The following GNAI1 variants were observed in gnomAD, a reference collection of about 807,000 sequenced individuals.
GNAI1 encodes guanine nucleotide-binding protein G(i) subunit alpha-1.
A neutral mutation model predicts 38.9 loss-of-function variants in GNAI1; 11 were observed. The observed-to-expected ratio is 0.28, with a 90% CI of 0.18 to 0.47. The LOEUF (loss-of-function observed/expected upper bound fraction) is 0.47. GNAI1 is among the 20% of genes least tolerant of loss of function. The probability of loss-of-function intolerance (pLI) is 0.99; values close to 1 mark genes in which losing one functional copy is unlikely to be tolerated. For synonymous variants in GNAI1, 166 were observed against 145.1 expected (o/e 1.14, Z -1.04); for missense variants, 317 against 436.9 (o/e 0.73, Z 2.45).
At position 80,221,887 on chromosome 7, in the gene GNAI1, G is replaced by A. The variant is rs1044935163; in HGVS notation, c.*4394G>A. Among the ~76,000 whole-genome samples the A allele has an allele frequency of 2.0e-5, 3 of 152,054 alleles. No individual in the cohort carries two copies. The highest frequency in any genetic ancestry group is 1.9e-4 in the East Asian group (1 of 5,162). On this transcript the variant is annotated 3_prime_UTR_variant, in exon 8 of 8. Coordinates refer to ENST00000649796, the MANE Select transcript of GNAI1 (RefSeq NM_002069.6). Reference sequence around the variant, plus strand: ...GATCACCTGACCTTGTGATCTGACCGCCTCGGCCTCCCAAAGTGCTGGGAT... The same window carrying A: ...GATCACCTGACCTTGTGATCTGACCACCTCGGCCTCCCAAAGTGCTGGGAT...
chr7:80,153,045 TAGAA>T (rs1432055718), intron 1 of GNAI1, among the ~76,000 whole-genome samples: 1 of 152,228 alleles, frequency 6.6e-6, no homozygotes, highest in Non-Finnish European at 1.5e-5. Flanking sequence ...TTTTATATTT[TAGAA>T]AGATTTTTTT....
chr7:80,150,217 G>A (rs558853566), intron 1 of GNAI1, among the ~76,000 whole-genome samples: 8 of 152,078 alleles, frequency 5.3e-5, no homozygotes, highest in African/African-American at 1.9e-4. Context: ...CATGTACCAG[G>A]AAAAATATTT....
intron 1 of GNAI1, 48 bp downstream of exon 1, chr7:80,135,326 C>A: frequency 9.3e-7 from 1 of 1,079,142 alleles, no homozygotes; most frequent in Non-Finnish European, 1.2e-6. Flanking sequence ...GGACCGGGTG[C>A]GGCGCTGCGC....
intron 1 of GNAI1, among the ~76,000 whole-genome samples, chr7:80,137,636 T>C (rs1294773525): frequency 6.6e-6 from 1 of 152,216 alleles, no homozygotes; most frequent in Non-Finnish European, 1.5e-5. Context: ...CTTATTTCTC[T>C]AAACCAGTAC....
Position 80,221,693 on chromosome 7 carries a change from A to G in GNAI1, c.*4200A>G, listed in dbSNP as rs1032070018. On this transcript the variant is annotated 3_prime_UTR_variant, in exon 8 of 8. Transcript: ENST00000649796. The stretch of plus-strand genomic sequence containing the variant: ...GAGTCTTGCTCCTTCACCAGGCTGG[A>G]GTGCAGTCGTGCAATCTCCACTCTC... Among the ~76,000 whole-genome samples the G allele has an allele frequency of 4.2e-5, 5 of 118,620 alleles. No homozygotes were observed. Among genetic ancestry groups the G allele is most frequent in the Admixed American group, 1.2e-4 (1 of 8,470 alleles). The allele number at this position is 118,620 out of a possible 152,430, so 77.8% of individuals were successfully genotyped here.
intron 4 of GNAI1, among the ~76,000 whole-genome samples, chr7:80,199,745 T>C (rs1466351539): frequency 6.6e-6 from 1 of 152,164 alleles, no homozygotes; most frequent in Non-Finnish European, 1.5e-5. Context: ...TGTAACTGAT[T>C]TGAGTTCCTT....
chr7:80,173,920 TATC>T (rs1323749368), intron 1 of GNAI1, among the ~76,000 whole-genome samples: 2 of 152,140 alleles, frequency 1.3e-5, no homozygotes, highest in South Asian at 2.1e-4. Context: ...GATTGGGAAA[TATC>T]AACCCCAGAG....
At position 80,135,094 on chromosome 7, in the gene GNAI1, T is replaced by G. The variant is rs551739683; in HGVS notation, c.-67T>G. 77 of 1,081,922 alleles carry G rather than the reference T, an allele frequency of 7.1e-5. No homozygotes were observed. In the African/African-American group the frequency reaches 1.2e-3, roughly 16 times the overall value. 67.0% of individuals were successfully genotyped at this position (1,081,922 alleles called of 1,614,324 possible). A position where few individuals can be genotyped will look rare whatever the true frequency, so the allele number is the denominator to read the frequency against. ...AACGCCCGCTAGGAGAGAGAAAGGATTCCCCTGTGCTTGGAGCCCGCACTC... is the reference window on the plus strand; with the variant it reads ...AACGCCCGCTAGGAGAGAGAAAGGAGTCCCCTGTGCTTGGAGCCCGCACTC... On this transcript the variant is annotated 5_prime_UTR_variant, in exon 1 of 8. Transcript: ENST00000649796.
intron 1 of GNAI1, among the ~76,000 whole-genome samples, chr7:80,159,267 T>A (rs1787876568): frequency 1.3e-5 from 2 of 152,178 alleles, no homozygotes. Flanking sequence ...CAAGTCCAGA[T>A]GGGCTGGGCT....
At chr7:80,196,912 A>C (rs751255850) in intron 3 of GNAI1, among the ~76,000 whole-genome samples, 1 of 152,114 alleles carries the variant, frequency 6.6e-6, no homozygotes, top group Non-Finnish European at 1.5e-5. Context: ...TCACATAGTT[A>C]ATTTTTTTGA....
intron 1 of GNAI1, among the ~76,000 whole-genome samples, chr7:80,155,376 C>G (rs1787801117): frequency 6.6e-6 from 1 of 152,062 alleles, no homozygotes; most frequent in South Asian, 2.1e-4. Context: ...GTATTTCTAT[C>G]CAATAGTACA....
At chr7:80,196,009 C>G (rs986748782) in intron 3 of GNAI1, among the ~76,000 whole-genome samples, 1 of 151,960 alleles carries the variant, frequency 6.6e-6, no homozygotes, top group Non-Finnish European at 1.5e-5. Flanking sequence ...CCATCCTAGG[C>G]AGACTCTTCT....
At chr7:80,217,246 T>TATGGATGAAACTGAC in intron 7 of GNAI1, 57 bp from the exon 8 acceptor site, 1 of 1,152,028 alleles carries the variant, frequency 8.7e-7, no homozygotes, top group Non-Finnish European at 1.2e-6. Context: ...GAATTCAGTA[T>TATGGATGAAACTGAC]TTTAAGCAGT....
intron 5 of GNAI1, among the ~76,000 whole-genome samples, chr7:80,210,155 A>G (rs984161758): frequency 5.3e-5 from 8 of 152,322 alleles, no homozygotes; most frequent in Admixed American, 5.2e-4. Flanking sequence ...TCTAGGTTGC[A>G]TAATGTAGTC....
intron 1 of GNAI1, among the ~76,000 whole-genome samples, chr7:80,157,997 C>T (rs192766330): frequency 3.9e-5 from 6 of 152,248 alleles, no homozygotes; most frequent in African/African-American, 1.4e-4. Context: ...GCATAAGCCA[C>T]CACACCCGGC....
intron 1 of GNAI1, among the ~76,000 whole-genome samples, chr7:80,152,745 A>C (rs1243473162): frequency 6.6e-6 from 1 of 151,582 alleles, no homozygotes; most frequent in Non-Finnish European, 1.5e-5. Context: ...ATATTTTTTT[A>C]GTAGAGATGG....
chr7:80,217,624 G>C lies in GNAI1; in HGVS notation c.*131G>C, dbSNP rs773257720. The C allele has an allele frequency of 2.3e-5, 11 of 482,282 alleles. No individual in the cohort carries two copies. The highest frequency in any genetic ancestry group is 1.6e-4 in the Admixed American group (4 of 24,760). The allele number at this position is 482,282 out of a possible 1,614,324, so 29.9% of individuals were successfully genotyped here. A position where few individuals can be genotyped will look rare whatever the true frequency, so the allele number is the denominator to read the frequency against. ...ATGCATCTGGGACTTGACCAAAGTT[G>C]TTCTGTTTTGTTTTTTTAACTGAAA... On this transcript the variant is annotated 3_prime_UTR_variant, in exon 8 of 8. Transcript: ENST00000649796.
chr7:80,188,700 C>A (rs1448139790), intron 1 of GNAI1, among the ~76,000 whole-genome samples: 1 of 152,122 alleles, frequency 6.6e-6, no homozygotes, highest in African/African-American at 2.4e-5. Flanking sequence ...TTAGCAAAAT[C>A]CTGACTCCAT....
chr7:80,216,784 T>C (rs951217893), intron 7 of GNAI1, among the ~76,000 whole-genome samples: 6 of 152,192 alleles, frequency 3.9e-5, no homozygotes, highest in African/African-American at 1.4e-4. Context: ...TCACTTTTTT[T>C]GTAACCTCAT....
Sources: gnomAD v4.1 joint callset for allele counts (sites outside exome capture counted in the v4.1 genomes callset) on GRCh38, gnomAD v4.1.1 for gene constraint, MANE v1.5 for transcripts, NCBI Gene and HGNC (gene_info 2026-07-23, HGNC 2026-07-21) for gene names.